EXOC2: variants seen among roughly 807,000 people sequenced by gnomAD.
EXOC2 encodes the protein exocyst complex component 2, also known as SEC5-like 1.
In EXOC2, 70 loss-of-function variants were observed where a neutral mutation model predicts 131.8. The observed-to-expected ratio is 0.53, with a 90% confidence interval of 0.44 to 0.65. EXOC2 has a LOEUF of 0.65. EXOC2 is among the 30% of genes least tolerant of loss of function. EXOC2 has a pLI of 0.00. For missense variants in EXOC2, 923 were observed against 1,108.6 expected, an observed-to-expected ratio of 0.83 and a Z score of 2.38; for synonymous variants, 411 against 398.4, an observed-to-expected ratio of 1.03 and a Z score of -0.38.
intron 11 of EXOC2, among the ~76,000 whole-genome samples, chr6:582,613 A>G: frequency 6.7e-6 from 1 of 148,478 alleles, no homozygotes; most frequent in African/African-American, 2.5e-5. Flanking sequence ...CAAGAATTTC[A>G]ATGCCAAAGC....
chr6:564,301 T>C lies in EXOC2; in HGVS notation c.1668-147A>G, dbSNP rs1227052902. 8 of 1,307,466 alleles carry C rather than the reference T, an allele frequency of 6.1e-6. 1 individual carries two copies. In the African/African-American group the frequency reaches 8.9e-5, roughly 15 times the overall value. 81.0% of individuals were successfully genotyped at this position (1,307,466 alleles called of 1,614,324 possible). ...CAGAAACAGACCACAACTGGGACTG[T>C]ACTGTCAGAGTAATACTGAGTGAAA... On this transcript the variant is annotated intron_variant, in intron 15 of 27. Transcript: ENST00000230449.
chr6:624,325 C>T (rs146252739), intron 4 of EXOC2, among the ~76,000 whole-genome samples: 18 of 152,298 alleles, frequency 1.2e-4, no homozygotes, highest in Non-Finnish European at 2.4e-4. Flanking sequence ...CTCAATCCAC[C>T]TGTATAATCT....
intron 13 of EXOC2, among the ~76,000 whole-genome samples, chr6:567,516 G>A (rs566494407): frequency 6.6e-6 from 1 of 152,262 alleles, no homozygotes; most frequent in East Asian, 1.9e-4. Context: ...GAAGAGGAAA[G>A]GTCATGCTTA....
At chr6:609,714 TTA>T (rs1760616855) in intron 7 of EXOC2, among the ~76,000 whole-genome samples, 1 of 152,140 alleles carries the variant, frequency 6.6e-6, no homozygotes, top group Non-Finnish European at 1.5e-5. Context: ...GTGGCTGAGG[TTA>T]TTTGCATTAA....
At chr6:617,069 T>C (rs1288138137) in intron 6 of EXOC2, among the ~76,000 whole-genome samples, 1 of 152,242 alleles carries the variant, frequency 6.6e-6, no homozygotes, top group East Asian at 1.9e-4. Context: ...GCTATATGGG[T>C]ATTTAGTTTT....
chr6:664,565 A>T (rs1763555780), intron 1 of EXOC2, among the ~76,000 whole-genome samples: 1 of 152,252 alleles, frequency 6.6e-6, no homozygotes, highest in South Asian at 2.1e-4. Context: ...TCACCAAAAC[A>T]GTGTGGTACT....
intron 17 of EXOC2, among the ~76,000 whole-genome samples, chr6:560,817 CCT>C (rs1233654564): frequency 6.6e-6 from 1 of 151,920 alleles, no homozygotes; most frequent in African/African-American, 2.4e-5. Context: ...AAGTGATTCC[CCT>C]GTCTCAGCCT....
In EXOC2 at chr6:633,491, A is replaced by G. The variant is rs1761954380; in HGVS notation, c.119-374T>C. ...GTCTCAGTTATTAACATAGAATTTT[A>G]AAGTGTATTAATAAACGTATGTATC... On this transcript the variant is annotated intron_variant, in intron 2 of 27. Coordinates refer to ENST00000230449, the MANE Select transcript of EXOC2 (RefSeq NM_018303.6). 2.0e-5 allele frequency among the ~76,000 whole-genome samples: 3 copies of G among 152,250 alleles called. No homozygotes were observed. The South Asian group carries it at 6.2e-4, about 32-fold the overall frequency.
At chr6:491,799 C>G (rs757618234) in intron 25 of EXOC2, among the ~76,000 whole-genome samples, 4 of 152,206 alleles carry the variant, frequency 2.6e-5, no homozygotes, top group Non-Finnish European at 5.9e-5. Context: ...TTAGAGGCCT[C>G]AGACTTTCTG....
intron 18 of EXOC2, 95 bp from the exon 19 acceptor site, chr6:556,108 T>C: frequency 8.8e-7 from 1 of 1,137,786 alleles, no homozygotes; most frequent in Non-Finnish European, 1.3e-6. Flanking sequence ...CGTGGAACGC[T>C]GCTGCAGGAG....
chr6:554,109 T>C (rs982783730), intron 20 of EXOC2, among the ~76,000 whole-genome samples, 189 bp from the exon 21 acceptor site: 4 of 152,066 alleles, frequency 2.6e-5, no homozygotes, highest in African/African-American at 9.7e-5. Context: ...TGGTGCGTTC[T>C]TGGCTCACTG....
intron 1 of EXOC2, chr6:670,279 C>T (rs1243387051): frequency 1.3e-5 from 2 of 152,208 alleles, no homozygotes; most frequent in Non-Finnish European, 2.9e-5. Flanking sequence ...CTGTATGTCC[C>T]TGTGCAGGAT....
At chr6:490,822 T>C (rs899703204) in intron 26 of EXOC2, among the ~76,000 whole-genome samples, 1 of 152,258 alleles carries the variant, frequency 6.6e-6, no homozygotes, top group Non-Finnish European at 1.5e-5. Flanking sequence ...TTTACAGCAC[T>C]TGAGCTGTCC....
chr6:509,332 T>C (rs573711380), intron 23 of EXOC2, among the ~76,000 whole-genome samples: 3 of 152,338 alleles, frequency 2.0e-5, no homozygotes, highest in South Asian at 2.1e-4. Flanking sequence ...AGAAGTGGAA[T>C]TGCTGAGTGC....
At chr6:657,287 A>G (rs1193107820) in intron 1 of EXOC2, 3 of 211,994 alleles carry the variant, frequency 1.4e-5, no homozygotes, top group Non-Finnish European at 2.8e-5. Context: ...ACTCAGATAA[A>G]GAACCACTTT....
rs564723109 is a variant in EXOC2, at chr6:575,141, T to C, written c.1318+1616A>G. 2.0e-5 allele frequency among the ~76,000 whole-genome samples: 3 copies of C among 152,310 alleles called. No homozygotes were observed. In the East Asian group the frequency reaches 5.8e-4, roughly 29 times the overall value. On this transcript the variant is annotated intron_variant, in intron 12 of 27. Coordinates refer to ENST00000230449, the MANE Select transcript of EXOC2 (RefSeq NM_018303.6). ...GGCTTGGTGTCCTTGCAATAATGAG[T>C]GAGTTCTTGCTCTATGAGTTCACAC... is the stretch of plus-strand genomic sequence containing the variant.
rs1763874477 is a variant in EXOC2 at position 671,607 on chromosome 6, C to A, written c.-44+21412G>T. Among the ~76,000 whole-genome samples, 3 of 152,292 alleles carry A rather than the reference C, an allele frequency of 2.0e-5. No homozygotes were observed. The South Asian group carries it at 6.2e-4, about 32-fold the overall frequency. On this transcript the variant is annotated intron_variant, in intron 1 of 27. Coordinates refer to ENST00000230449, the MANE Select transcript of EXOC2 (RefSeq NM_018303.6). ...TAAAGAACAACTTTTAACATTTTAACTTCTTTTAATAGTTAAGGCAAATCT... is the reference window on the plus strand; with the variant it reads ...TAAAGAACAACTTTTAACATTTTAAATTCTTTTAATAGTTAAGGCAAATCT...
At chr6:650,999 A>AT (rs1762802510) in intron 1 of EXOC2, among the ~76,000 whole-genome samples, 1 of 151,606 alleles carries the variant, frequency 6.6e-6, no homozygotes, top group African/African-American at 2.4e-5. Context: ...TGCAGATCTT[A>AT]TAACTTCCTC....
At chr6:582,993 G>C (rs939185768) in intron 11 of EXOC2, among the ~76,000 whole-genome samples, 2 of 152,118 alleles carry the variant, frequency 1.3e-5, no homozygotes, top group African/African-American at 2.4e-5. Flanking sequence ...TATAAACTTT[G>C]AAGAAGCATT....
Sources: allele counts gnomAD v4.1 joint callset (sites outside exome capture counted in the v4.1 genomes callset), GRCh38; gene constraint gnomAD v4.1.1; transcripts MANE v1.5; gene names NCBI Gene and HGNC (gene_info 2026-07-23, HGNC 2026-07-21).